The following FNDC3A variants were observed in gnomAD, a reference collection of about 807,000 sequenced individuals.
FNDC3A encodes fibronectin type-III domain-containing protein 3A.
In FNDC3A, 32 loss-of-function variants were observed where a neutral mutation model predicts 148.9. The ratio of observed to expected loss-of-function variants is 0.21; its 90% CI spans 0.16 to 0.29. The LOEUF (loss-of-function observed/expected upper bound fraction) is 0.29. Among genes scored for constraint, FNDC3A ranks in the 10% least tolerant of loss-of-function variants. The probability of loss-of-function intolerance (pLI) is 1.00; values close to 1 mark genes in which losing one functional copy is unlikely to be tolerated. For missense variants in FNDC3A, 1,191 were observed against 1,452.8 expected (o/e 0.82, Z 2.93); for synonymous variants, 472 against 473.6 (o/e 1.00, Z 0.04).
At chr13:49,005,614 C>T (rs1369975511) in intron 1 of FNDC3A, among the ~76,000 whole-genome samples, 1 of 151,604 alleles carries the variant, frequency 6.6e-6, no homozygotes, top group Admixed American at 6.6e-5. Context: ...AGGTTCTTAC[C>T]CTAATCCTGA....
At chr13:49,110,196 G>A (rs1474810111) in intron 3 of FNDC3A, 5 of 470,932 alleles carry the variant, frequency 1.1e-5, no homozygotes, top group African/African-American at 6.4e-5. Flanking sequence ...CTGCAAGCGG[G>A]AACGTTTGCT....
intron 1 of FNDC3A, among the ~76,000 whole-genome samples, chr13:48,998,913 A>G (rs966303105): frequency 2.6e-5 from 4 of 152,202 alleles, no homozygotes; most frequent in Non-Finnish European, 1.5e-5. Flanking sequence ...AATAGAGAAC[A>G]TGGGATAGAA....
chr13:49,161,766 T>G (rs1269698095), intron 8 of FNDC3A, among the ~76,000 whole-genome samples: 1 of 152,240 alleles, frequency 6.6e-6, no homozygotes, highest in Non-Finnish European at 1.5e-5. Context: ...CCATGTTTAG[T>G]GCTTCCTTCA....
intron 2 of FNDC3A, among the ~76,000 whole-genome samples, chr13:49,028,387 C>T (rs1873875143): frequency 6.6e-6 from 1 of 152,028 alleles, no homozygotes; most frequent in Non-Finnish European, 1.5e-5. Flanking sequence ...ACTCCAGGTG[C>T]ATCCAGTTAC....
chr13:48,983,753 A>G (rs1403661206), intron 1 of FNDC3A, among the ~76,000 whole-genome samples: 3 of 152,318 alleles, frequency 2.0e-5, no homozygotes, highest in African/African-American at 7.2e-5. Flanking sequence ...AAGCCTTAAA[A>G]CATCTCTCTG....
At chr13:49,146,655 T>G (rs1285106129) in intron 8 of FNDC3A, 1 of 152,200 alleles carries the variant, frequency 6.6e-6, no homozygotes, top group Admixed American at 6.5e-5. Flanking sequence ...GAGAATCGCT[T>G]GAACCTGGCA....
intron 11 of FNDC3A, among the ~76,000 whole-genome samples, chr13:49,174,034 C>G (rs1293585395): frequency 6.6e-6 from 1 of 152,056 alleles, no homozygotes; most frequent in East Asian, 1.9e-4. Flanking sequence ...TGGGTAAGGA[C>G]CTTTTCTTAA....
chr13:49,125,564 A>G (rs889294921), intron 4 of FNDC3A, among the ~76,000 whole-genome samples: 3 of 152,166 alleles, frequency 2.0e-5, no homozygotes, highest in African/African-American at 7.2e-5. Context: ...GGAATTGAGA[A>G]AGTCACAGAA....
chr13:49,051,128 A>G (rs547154382), intron 2 of FNDC3A, among the ~76,000 whole-genome samples: 2 of 152,306 alleles, frequency 1.3e-5, no homozygotes, highest in Admixed American at 1.3e-4. Context: ...TAAGTGGAGC[A>G]CTTAGGCCAT....
Position 49,131,363 on chromosome 13 carries a change from A to G in FNDC3A, c.479A>G (p.Tyr160Cys), listed in dbSNP as rs376740097. The G allele has an allele frequency of 1.2e-4, 188 of 1,608,390 alleles. No homozygotes were observed. Among genetic ancestry groups the G allele is most frequent in the Non-Finnish European group, 1.4e-4 (169 of 1,174,894 alleles). Reference sequence around the variant, plus strand: ...CCACAGTATCAGTCTTCACAAGTCTATGGAGATGTAGGTAAGACATCTAAA... The same window carrying G: ...CCACAGTATCAGTCTTCACAAGTCTGTGGAGATGTAGGTAAGACATCTAAA... Reference protein sequence around the residue: ...YMPQYQSSQVYGDVDAHSTHG... With the variant: ...YMPQYQSSQVCGDVDAHSTHG... Residue 160 changes from tyrosine (Y) to cysteine (C), a missense_variant, in exon 5 of 26, where the codon TAT becomes TGT. Physicochemically the swap from Tyr to Cys is radical, Grantham distance 194 (BLOSUM62 -2). Coordinates refer to ENST00000492622, the MANE Select transcript of FNDC3A (RefSeq NM_001079673.2).
In FNDC3A at chr13:49,136,375, A is replaced by G. The variant is rs1215919950; in HGVS notation, c.534A>G (p.Arg178=). ...GAAGGTCCAACTTTAGAGATGAACG[A>G]TCTAGTAAAACATATGAACGTTTGC... ...THGRSNFRDE[R]SSKTYERLQK... Residue 178 remains arginine, a synonymous_variant, in exon 6 of 26, where the codon CGA becomes CGG. Coordinates refer to ENST00000492622, the MANE Select transcript of FNDC3A (RefSeq NM_001079673.2). The G allele has an allele frequency of 3.1e-6, 5 of 1,613,998 alleles. No individual in the cohort carries two copies. In the East Asian group the frequency reaches 8.9e-5, roughly 29 times the overall value.
At chr13:49,199,071 C>A (rs768802230) in intron 23 of FNDC3A, among the ~76,000 whole-genome samples, 4 of 151,954 alleles carry the variant, frequency 2.6e-5, no homozygotes, top group Admixed American at 1.3e-4. Flanking sequence ...CCCAGGCTGG[C>A]CTCCAGTGGC....
chr13:49,095,473 C>T (rs575527676), intron 3 of FNDC3A: 1 of 152,128 alleles, frequency 6.6e-6, no homozygotes, highest in African/African-American at 2.4e-5. Flanking sequence ...ACTCCCACTG[C>T]TTCACTTGAC....
chr13:49,115,194 G>GAAT (rs1491395969), intron 4 of FNDC3A, among the ~76,000 whole-genome samples: 574 of 10,946 alleles, frequency 0.052, 3 homozygotes, highest in Non-Finnish European at 0.11. Flanking sequence ...GGGGGGGGGG[G>GAAT]AAATAAAAAA....
At chr13:49,188,046 T>C (rs1885678468) in intron 16 of FNDC3A, among the ~76,000 whole-genome samples, 1 of 152,224 alleles carries the variant, frequency 6.6e-6, no homozygotes, top group Admixed American at 6.5e-5. Flanking sequence ...CATACTAGTT[T>C]TAGTAGTAAG....
At chr13:49,085,311 C>G (rs1878733382) in intron 3 of FNDC3A, among the ~76,000 whole-genome samples, 1 of 152,216 alleles carries the variant, frequency 6.6e-6, no homozygotes, top group South Asian at 2.1e-4. Flanking sequence ...AGTTATTTGC[C>G]TTGCAAAAGT....
intron 3 of FNDC3A, chr13:49,110,479 C>T: frequency 9.7e-7 from 1 of 1,033,852 alleles, no homozygotes; most frequent in Non-Finnish European, 1.5e-6. Flanking sequence ...TAAAGTCATG[C>T]CGTGTGTTTT....
At chr13:49,086,271 G>A (rs553210738) in intron 3 of FNDC3A, among the ~76,000 whole-genome samples, 24 of 152,220 alleles carry the variant, frequency 1.6e-4, no homozygotes, top group African/African-American at 5.3e-4. Context: ...TTTCTTTTGA[G>A]GGGATTGTTC....
chr13:49,070,404 A>C (rs1877570651), intron 2 of FNDC3A, among the ~76,000 whole-genome samples: 1 of 152,184 alleles, frequency 6.6e-6, no homozygotes, highest in Admixed American at 6.5e-5. Context: ...TTCAACATGT[A>C]ATTGATATAA....
Sources: allele counts gnomAD v4.1 joint callset (sites outside exome capture counted in the v4.1 genomes callset), GRCh38; gene constraint gnomAD v4.1.1; transcripts MANE v1.5; gene names NCBI Gene and HGNC (gene_info 2026-07-23, HGNC 2026-07-21).